Variants in CSMD1 observed in about 807,000 individuals in gnomAD.
CSMD1 encodes CUB and sushi domain-containing protein 1.
CSMD1 carries 213 observed loss-of-function variants against 417.5 expected under a neutral mutation model. That is an observed-to-expected ratio of 0.51 (90% CI 0.46 to 0.57). The LOEUF is 0.57. CSMD1 is among the 20% of genes least tolerant of loss of function. The pLI is 0.00. For missense variants in CSMD1, 6,923 were observed against 4,529.7 expected (o/e 1.53, Z -15.17); for synonymous variants, 2,862 against 1,736.8 (o/e 1.65, Z -16.11).
At chr8:3,428,323 C>T (rs2117009288) in intron 12 of CSMD1, among the ~76,000 whole-genome samples, 1 of 152,230 alleles carries the variant, frequency 6.6e-6, no homozygotes, top group South Asian at 2.1e-4. Flanking sequence ...AGACGAATGG[C>T]CAGGCCTCAA....
At chr8:3,199,253 C>T (rs182865044) in intron 33 of CSMD1, among the ~76,000 whole-genome samples, 2 of 151,912 alleles carry the variant, frequency 1.3e-5, no homozygotes, top group African/African-American at 2.4e-5. Context: ...GAGATGCATG[C>T]GTGATATTTT....
chr8:4,905,724 G>A (rs557441458), intron 1 of CSMD1, among the ~76,000 whole-genome samples: 26 of 150,316 alleles, frequency 1.7e-4, no homozygotes, highest in African/African-American at 5.4e-4. Context: ...GGAGGCTGAG[G>A]CAGGAGAATG....
intron 15 of CSMD1, among the ~76,000 whole-genome samples, chr8:3,404,142 TG>T (rs1426351386): frequency 6.6e-6 from 1 of 152,068 alleles, no homozygotes; most frequent in African/African-American, 2.4e-5. Context: ...GAGACCAGCC[TG>T]GCCAACATGT....
At chr8:3,326,897 T>C (rs971659238) in intron 23 of CSMD1, among the ~76,000 whole-genome samples, 2 of 152,074 alleles carry the variant, frequency 1.3e-5, no homozygotes, top group African/African-American at 2.4e-5. Flanking sequence ...GATACATTGA[T>C]AGGAAAGTTT....
chr8:4,309,661 T>C lies in CSMD1; in HGVS notation c.415+110292A>G, dbSNP rs543214474. ...TACTGCTACTGAAATTAGACCGTAT[T>C]TGAGCATATCACCTTACACATTTTT... On this transcript the variant is annotated intron_variant, in intron 3 of 69. Coordinates refer to ENST00000635120, the MANE Select transcript of CSMD1 (RefSeq NM_033225.6). Among the ~76,000 whole-genome samples, 6 of 152,296 alleles carry C rather than the reference T, an allele frequency of 3.9e-5. 1 individual carries two copies. Among genetic ancestry groups the C allele is most frequent in the African/African-American group, 1.4e-4 (6 of 41,576 alleles).
chr8:3,823,290 C>A (rs1375858480), intron 5 of CSMD1, among the ~76,000 whole-genome samples: 1 of 152,144 alleles, frequency 6.6e-6, no homozygotes, highest in Non-Finnish European at 1.5e-5. Context: ...TGTCTGGAAT[C>A]GCTTCCTCCT....
chr8:4,287,945 C>G (rs1797152270), intron 3 of CSMD1, among the ~76,000 whole-genome samples: 2 of 152,138 alleles, frequency 1.3e-5, no homozygotes, highest in Admixed American at 6.5e-5. Flanking sequence ...CAAAACTTTT[C>G]TCCAGATAGC....
At chr8:3,835,466 G>A (rs1343880890) in intron 5 of CSMD1, among the ~76,000 whole-genome samples, 1 of 151,848 alleles carries the variant, frequency 6.6e-6, no homozygotes, top group Non-Finnish European at 1.5e-5. Context: ...ACTACCGCCA[G>A]GACAAAAAAC....
chr8:3,108,797 T>A (rs779482156), intron 43 of CSMD1, 49 bp from the exon 44 acceptor site: 1 of 1,545,070 alleles, frequency 6.5e-7, no homozygotes, highest in East Asian at 2.3e-5. Flanking sequence ...TACTTCTGAG[T>A]GAGATTTATG....
At chr8:3,934,718 G>T (rs1286024356) in intron 5 of CSMD1, among the ~76,000 whole-genome samples, 1 of 152,036 alleles carries the variant, frequency 6.6e-6, no homozygotes, top group African/African-American at 2.4e-5. Context: ...AGCCGGGCAT[G>T]GTGGTGCACT....
intron 5 of CSMD1, among the ~76,000 whole-genome samples, chr8:3,847,289 G>A (rs923177634): frequency 6.6e-6 from 1 of 152,114 alleles, no homozygotes; most frequent in South Asian, 2.1e-4. Context: ...TTAATCCAAA[G>A]GCAGTTGATT....
intron 1 of CSMD1, among the ~76,000 whole-genome samples, chr8:4,921,392 G>T (rs1017519927): frequency 2.0e-5 from 3 of 152,114 alleles, no homozygotes; most frequent in Admixed American, 6.6e-5. Context: ...TATTTAATAT[G>T]AAACATGTAT....
intron 26 of CSMD1, among the ~76,000 whole-genome samples, chr8:3,270,661 C>T (rs998940719): frequency 6.6e-6 from 1 of 152,128 alleles, no homozygotes; most frequent in Non-Finnish European, 1.5e-5. Flanking sequence ...TCTACAGTAT[C>T]AAGTACTTCT....
At chr8:4,040,996 T>TTTAC (rs1797857169) in intron 3 of CSMD1, among the ~76,000 whole-genome samples, 1 of 129,022 alleles carries the variant, frequency 7.8e-6, no homozygotes, top group Non-Finnish European at 1.7e-5. Flanking sequence ...CTATATTTTC[T>TTTAC]TTTCTTTCTT....
At chr8:3,150,716 G>C (rs1405355886) in intron 40 of CSMD1, among the ~76,000 whole-genome samples, 1 of 152,164 alleles carries the variant, frequency 6.6e-6, no homozygotes, top group African/African-American at 2.4e-5. Flanking sequence ...CACAAGTAGG[G>C]AGACTCAAAT....
intron 26 of CSMD1, among the ~76,000 whole-genome samples, chr8:3,234,572 C>G (rs181329501): frequency 6.6e-6 from 1 of 152,256 alleles, no homozygotes; most frequent in Non-Finnish European, 1.5e-5. Flanking sequence ...TACCGGAAGG[C>G]CATTGCTGTA....
Position 3,359,287 on chromosome 8 carries a change from T to A in CSMD1, c.3169A>T (p.Ile1057Phe). 6.2e-7 allele frequency: 1 copy of A among 1,613,836 alleles called. No homozygotes were observed. Among genetic ancestry groups the A allele is most frequent in the Non-Finnish European group, 8.5e-7 (1 of 1,179,828 alleles). Residue 1057 changes from isoleucine to phenylalanine, a missense_variant, in exon 21 of 70, where the codon ATT becomes TTT. Ile to Phe is a conservative substitution (Grantham distance 21). Transcript: ENST00000635120. ...TCTCCCACACCAAAGTGAAAACCAA[T>A]TCTTCGGCTGAAGGCAGGGACTCCA... ...DPGVPAFSRR[I>F]GFHFGVGDSL...
intron 53 of CSMD1, 48 bp downstream of exon 53, chr8:2,999,910 G>A (rs1807247293): frequency 6.6e-7 from 1 of 1,522,410 alleles, no homozygotes; most frequent in Non-Finnish European, 9.0e-7. Flanking sequence ...AAAAGACAAT[G>A]TGGCAAAAGG....
At chr8:3,371,767 T>C (rs1337216836) in intron 18 of CSMD1, among the ~76,000 whole-genome samples, 6 of 152,218 alleles carry the variant, frequency 3.9e-5, no homozygotes, top group East Asian at 1.9e-4. Context: ...AAGCATGATA[T>C]AAAAATCGGC....
Sources: allele counts gnomAD v4.1 joint callset (sites outside exome capture counted in the v4.1 genomes callset), GRCh38; gene constraint gnomAD v4.1.1; transcripts MANE v1.5; gene names NCBI Gene and HGNC (gene_info 2026-07-23, HGNC 2026-07-21).